Variants in GCM1 observed in about 807,000 individuals in gnomAD.
GCM1 encodes GCM transcription factor 1.
In GCM1, 2 loss-of-function variants were observed where a neutral mutation model predicts 25.7. The observed-to-expected ratio is 0.08, with a 90% CI of 0.03 to 0.24. The LOEUF is 0.24. Among genes scored for constraint, GCM1 ranks in the 10% least tolerant of loss-of-function variants. GCM1 has a pLI of 1.00. For synonymous variants in GCM1, 183 were observed against 195.7 expected (o/e 0.94, Z 0.54); for missense variants, 395 against 538.7 (o/e 0.73, Z 2.64).
chr6:53,140,916 G>T (rs1182692139), intron 2 of GCM1, among the ~76,000 whole-genome samples: 1 of 152,164 alleles, frequency 6.6e-6, no homozygotes, highest in African/African-American at 2.4e-5. Flanking sequence ...ATCAACACCA[G>T]ACTTTTGCTG....
In GCM1 at chr6:53,128,256, A is replaced by G; in HGVS notation, c.1261T>C (p.Leu421=). The G allele has an allele frequency of 6.2e-7, 1 of 1,612,910 alleles. No homozygotes were observed. ...DFEEEMTYLG[L]DHCNNDMLLN... ...AGCATATCATTGTTGCAGTGATCCAAACCCAAGTATGTCATTTCTTCCTCA... is the reference window on the plus strand; with the variant it reads ...AGCATATCATTGTTGCAGTGATCCAGACCCAAGTATGTCATTTCTTCCTCA... Residue 421 remains leucine (L), a synonymous_variant, in exon 6 of 6, where the codon TTG becomes CTG. Coordinates refer to ENST00000259803, the MANE Select transcript of GCM1 (RefSeq NM_003643.4).
chr6:53,131,001 GT>G, intron 4 of GCM1, 70 bp from the exon 5 acceptor site: 2 of 1,420,834 alleles, frequency 1.4e-6, no homozygotes, highest in Non-Finnish European at 2.0e-6. Flanking sequence ...TGGTGTATCA[GT>G]TTTTATTTAC....
chr6:53,132,376 G>A (rs1425999805), intron 3 of GCM1, among the ~76,000 whole-genome samples: 3 of 152,180 alleles, frequency 2.0e-5, no homozygotes, highest in Non-Finnish European at 4.4e-5. Flanking sequence ...TCAAGGCAGA[G>A]CTCTTCTGAG....
chr6:53,136,251 T>C (rs1336505142), intron 2 of GCM1, among the ~76,000 whole-genome samples: 2 of 152,280 alleles, frequency 1.3e-5, no homozygotes, highest in African/African-American at 2.4e-5. Flanking sequence ...TGTCTATGGA[T>C]GTTTTTACAC....
intron 2 of GCM1, among the ~76,000 whole-genome samples, chr6:53,144,152 C>A (rs1357500988): frequency 1.3e-5 from 2 of 152,122 alleles, no homozygotes; most frequent in Non-Finnish European, 2.9e-5. Context: ...ATTCAACAAC[C>A]AATGTGTGCC....
At position 53,134,030 on chromosome 6, in the gene GCM1, G is replaced by A. The variant is rs1248107135; in HGVS notation, c.328+42C>T. The A allele has an allele frequency of 1.9e-6, 3 of 1,590,624 alleles. No homozygotes were observed. In the East Asian group the frequency reaches 6.8e-5, roughly 36 times the overall value. On this transcript the variant is annotated intron_variant, in intron 3 of 5. Transcript: ENST00000259803. ...TGACCCATCTGGCAGGGGCATCTGA[G>A]GGATGCCAGCTTTTTTGCTGGTGCC...
chr6:53,131,973 T>A (rs768306040), intron 4 of GCM1, 34 bp downstream of exon 4: 2 of 1,191,268 alleles, frequency 1.7e-6, no homozygotes, highest in Non-Finnish European at 1.3e-6. Flanking sequence ...TCCTCAGTAA[T>A]GAAACTCTCA....
intron 1 of GCM1, among the ~76,000 whole-genome samples, chr6:53,147,462 C>G (rs998495694): frequency 1.8e-5 from 2 of 111,182 alleles, no homozygotes; most frequent in African/African-American, 6.3e-5. Flanking sequence ...GAGTCTTACT[C>G]TTATCACCCA....
intron 2 of GCM1, among the ~76,000 whole-genome samples, chr6:53,145,180 C>T (rs1456640056): frequency 6.6e-6 from 1 of 152,178 alleles, no homozygotes; most frequent in Admixed American, 6.5e-5. Flanking sequence ...AAAACTATCA[C>T]TATAGCAAAT....
rs1469956846 is a variant in GCM1, at chr6:53,134,214, G to A, written c.186C>T (p.Arg62=). 6.2e-7 allele frequency: 1 copy of A among 1,614,066 alleles called. No individual in the cohort carries two copies. The highest frequency in any genetic ancestry group is 1.3e-5 in the African/African-American group (1 of 74,916). ...TGCGGGAGTTGTGGTTGTTGGTATT[G>A]CGCATGGCCCAGCTGCTCAGGTGCC... ...AQRHLSSWAM[R]NTNNHNSRIL... is the part of the protein sequence containing the mutation. The change falls in exon 3 of 6, where the codon CGC becomes CGT. Residue 62 remains arginine, a synonymous_variant. Coordinates refer to ENST00000259803, the MANE Select transcript of GCM1 (RefSeq NM_003643.4).
chr6:53,137,074 G>A (rs1034444177), intron 2 of GCM1, among the ~76,000 whole-genome samples: 7 of 152,220 alleles, frequency 4.6e-5, no homozygotes, highest in African/African-American at 1.7e-4. Context: ...GGGCATGACA[G>A]TGGCTAGCCC....
chr6:53,145,123 A>G (rs1322468960), intron 2 of GCM1, among the ~76,000 whole-genome samples: 1 of 152,204 alleles, frequency 6.6e-6, no homozygotes, highest in Non-Finnish European at 1.5e-5. Flanking sequence ...CAAGAGAACA[A>G]TATCATCTGG....
At chr6:53,147,023 G>C (rs919925680) in intron 1 of GCM1, among the ~76,000 whole-genome samples, 1 of 152,086 alleles carries the variant, frequency 6.6e-6, no homozygotes. Flanking sequence ...GACAGAGTGA[G>C]ACCTTGTCTC....
At chr6:53,144,717 C>T (rs1270213357) in intron 2 of GCM1, among the ~76,000 whole-genome samples, 1 of 151,844 alleles carries the variant, frequency 6.6e-6, no homozygotes, top group Non-Finnish European at 1.5e-5. Flanking sequence ...GAGTTCAAGA[C>T]CAGCCCGGGC....
chr6:53,127,764 C>G lies in GCM1; in HGVS notation c.*442G>C, dbSNP rs1763661141. On this transcript the variant is annotated 3_prime_UTR_variant, in exon 6 of 6. Coordinates refer to ENST00000259803, the MANE Select transcript of GCM1 (RefSeq NM_003643.4). ...GCCTTGTCAGCCGGGCACAATGGCTCACGCCTGTAATCCCAGCACTTTGGG... is the reference window on the plus strand; with the variant it reads ...GCCTTGTCAGCCGGGCACAATGGCTGACGCCTGTAATCCCAGCACTTTGGG... 6.5e-6 allele frequency: 1 copy of G among 153,308 alleles called. No individual in the cohort carries two copies. Among genetic ancestry groups the G allele is most frequent in the Non-Finnish European group, 1.4e-5 (1 of 68,976 alleles). The allele number at this position is 153,308 out of a possible 1,614,324, so 9.5% of individuals were successfully genotyped here. A position where few individuals can be genotyped will look rare whatever the true frequency, so the allele number is the denominator to read the frequency against.
chr6:53,128,046 A>G lies in GCM1; in HGVS notation c.*160T>C. The stretch of plus-strand genomic sequence containing the variant: ...TCTGTCTCAAAAAAAAAAAAAAAAA[A>G]AAAAAAAGAAGGAAAAAAGAAAAAG... On this transcript the variant is annotated 3_prime_UTR_variant, in exon 6 of 6. Transcript: ENST00000259803. The G allele has an allele frequency of 3.2e-6, 1 of 310,712 alleles. No individual in the cohort carries two copies. Among genetic ancestry groups the G allele is most frequent in the Non-Finnish European group, 5.8e-6 (1 of 172,634 alleles). 19.2% of individuals were successfully genotyped at this position (310,712 alleles called of 1,614,324 possible). A position where few individuals can be genotyped will look rare whatever the true frequency, so the allele number is the denominator to read the frequency against.
In GCM1 at chr6:53,128,050, AAAAG is replaced by A; in HGVS notation, c.*152_*155del. On this transcript the variant is annotated 3_prime_UTR_variant, in exon 6 of 6. Coordinates refer to ENST00000259803, the MANE Select transcript of GCM1 (RefSeq NM_003643.4). ...TCTCAAAAAAAAAAAAAAAAAAAAA[AAAAG>A]AAGGAAAAAAGAAAAAGAAAAAAGC... The A allele has an allele frequency of 3.0e-6, 1 of 330,972 alleles. No individual in the cohort carries two copies. The highest frequency in any genetic ancestry group is 4.7e-5 in the Admixed American group (1 of 21,202). 20.5% of individuals were successfully genotyped at this position (330,972 alleles called of 1,614,324 possible).
At chr6:53,147,254 T>C (rs1054781396) in intron 1 of GCM1, among the ~76,000 whole-genome samples, 184 of 152,080 alleles carry the variant, frequency 1.2e-3, no homozygotes, top group African/African-American at 4.4e-3. Context: ...GTTAGTACGA[T>C]ATGAAGTGAA....
At chr6:53,144,661 G>A (rs915987319) in intron 2 of GCM1, among the ~76,000 whole-genome samples, 8 of 151,098 alleles carry the variant, frequency 5.3e-5, no homozygotes, top group Non-Finnish European at 8.8e-5. Context: ...AAATTAGCTG[G>A]GTGTGCCTGT....
Sources: gnomAD v4.1 joint callset for allele counts (sites outside exome capture counted in the v4.1 genomes callset) on GRCh38, gnomAD v4.1.1 for gene constraint, MANE v1.5 for transcripts, NCBI Gene and HGNC (gene_info 2026-07-23, HGNC 2026-07-21) for gene names.